The following SAMD4A variants were observed in gnomAD, a reference collection of about 807,000 sequenced individuals.
The protein encoded by SAMD4A is sterile alpha motif domain containing 4A.
In SAMD4A, 33 loss-of-function variants were observed where a neutral mutation model predicts 81.3. The ratio of observed to expected loss-of-function variants is 0.41; its 90% CI spans 0.31 to 0.54. SAMD4A has a LOEUF of 0.54. SAMD4A is among the 20% of genes least tolerant of loss of function. The pLI, the probability that SAMD4A is intolerant of heterozygous loss-of-function variation, is 0.37. For synonymous variants in SAMD4A, 389 were observed against 382.1 expected, an observed-to-expected ratio of 1.02 and a Z score of -0.21; for missense variants, 854 against 951.1, an observed-to-expected ratio of 0.90 and a Z score of 1.34.
chr14:54,724,880 C>T (rs1451631139), intron 3 of SAMD4A, among the ~76,000 whole-genome samples: 6 of 152,152 alleles, frequency 3.9e-5, no homozygotes, highest in Admixed American at 2.0e-4. Context: ...GGAGAAATAA[C>T]GTGGGGACAA....
rs1167086193 is a variant in SAMD4A, at chr14:54,742,198, A to G, written c.979+4911A>G. ...GAGTATTCGGGGTTCTTCATGAGAT[A>G]GAGCTGAGAGGGCTTGGTAACCAAT... On this transcript the variant is annotated intron_variant, in intron 4 of 12. Transcript: ENST00000554335. 2.0e-5 allele frequency among the ~76,000 whole-genome samples: 3 copies of G among 152,296 alleles called. No individual in the cohort carries two copies. The East Asian group carries it at 5.8e-4, about 29-fold the overall frequency.
At chr14:54,653,234 C>G (rs1157627482) in intron 2 of SAMD4A, among the ~76,000 whole-genome samples, 1 of 151,666 alleles carries the variant, frequency 6.6e-6, no homozygotes, top group Non-Finnish European at 1.5e-5. Context: ...CTGTTTTTCA[C>G]TCATGTCTAG....
At chr14:54,571,698 C>A (rs571100292) in intron 2 of SAMD4A, among the ~76,000 whole-genome samples, 1 of 152,072 alleles carries the variant, frequency 6.6e-6, no homozygotes, top group South Asian at 2.1e-4. Flanking sequence ...ATGTTTGAGA[C>A]AAAAAAATAA....
intron 3 of SAMD4A, among the ~76,000 whole-genome samples, chr14:54,704,522 C>G (rs888461278): frequency 2.0e-5 from 3 of 152,194 alleles, no homozygotes; most frequent in Non-Finnish European, 4.4e-5. Context: ...TTGTAGTCAT[C>G]AAGCACCTAT....
At chr14:54,702,630 T>G (rs1437535511) in intron 3 of SAMD4A, 50 bp downstream of exon 3, 2 of 1,586,276 alleles carry the variant, frequency 1.3e-6, no homozygotes, top group Non-Finnish European at 1.7e-6. Flanking sequence ...CGATTTGCTG[T>G]GTATGTGGCA....
Position 54,723,540 on chromosome 14 carries a change from T to A in SAMD4A, c.716-13484T>A, listed in dbSNP as rs138174103. Among the ~76,000 whole-genome samples, 170 of 152,308 alleles carry A rather than the reference T, an allele frequency of 1.1e-3. 2 individuals carry two copies. The highest frequency in any genetic ancestry group is 3.9e-3 in the African/African-American group (164 of 41,568). ...ATTACCACCTCCTCAAAAACTTTCA[T>A]TAGTCCTAGAAATACTGTGGCAAAT... is the stretch of plus-strand genomic sequence containing the variant. On this transcript the variant is annotated intron_variant, in intron 3 of 12. Transcript: ENST00000554335.
chr14:54,565,875 C>G (rs1250146259), upstream of SAMD4A, among the ~76,000 whole-genome samples: 1 of 152,050 alleles, frequency 6.6e-6, no homozygotes, highest in African/African-American at 2.4e-5. The surrounding 1 kb of genome is among the most constrained non-coding windows in gnomAD (Gnocchi z 5.4). Context: ...TCTACCCGAC[C>G]CCTCTGCGCC....
rs1487628459 is a variant in SAMD4A, at chr14:54,789,259, C to T, written c.*315C>T. ...GGTAGCTCTCTGGATGGAACGGGGACAGGGGAAAGAGTACTGCCATGAAAG... is the reference window on the plus strand; with the variant it reads ...GGTAGCTCTCTGGATGGAACGGGGATAGGGGAAAGAGTACTGCCATGAAAG... On this transcript the variant is annotated 3_prime_UTR_variant, in exon 13 of 13. Transcript: ENST00000554335. The T allele has an allele frequency of 2.1e-6, 1 of 470,182 alleles. No individual in the cohort carries two copies. Among genetic ancestry groups the T allele is most frequent in the Non-Finnish European group, 3.9e-6 (1 of 258,036 alleles). 29.1% of individuals were successfully genotyped at this position (470,182 alleles called of 1,614,324 possible). A position where few individuals can be genotyped will look rare whatever the true frequency, so the allele number is the denominator to read the frequency against.
chr14:54,593,048 T>C (rs1056182303), intron 2 of SAMD4A, among the ~76,000 whole-genome samples: 10 of 152,320 alleles, frequency 6.6e-5, no homozygotes, highest in Middle Eastern at 6.8e-3. Context: ...AAAAATAGAA[T>C]GATATAATAA....
Position 54,776,485 on chromosome 14 carries a change from C to G in SAMD4A, c.1989C>G (p.Thr663=). 1 of 1,596,306 alleles carries G rather than the reference C, an allele frequency of 6.3e-7. No homozygotes were observed. Among genetic ancestry groups the G allele is most frequent in the South Asian group, 1.1e-5 (1 of 88,200 alleles). The change falls in exon 11 of 13, where the codon ACC becomes ACG. Residue 663 remains threonine (T), a synonymous_variant. Coordinates refer to ENST00000554335, the MANE Select transcript of SAMD4A (RefSeq NM_015589.6). ...PSRTHSSVQR[T]RSLPVHTSPQ... is the part of the protein sequence containing the mutation. ...GCACCCACAGCTCAGTCCAGAGGAC[C>G]CGCTCGCTGCCCGTGCACACTTCCC... is the stretch of plus-strand genomic sequence containing the variant.
At chr14:54,598,008 G>A (rs984963833) in intron 2 of SAMD4A, among the ~76,000 whole-genome samples, 9 of 152,164 alleles carry the variant, frequency 5.9e-5, no homozygotes, top group African/African-American at 2.2e-4. Flanking sequence ...TGCTAATTTA[G>A]AAAGAGAGTG....
chr14:54,760,839 A>G (rs1241074709), intron 7 of SAMD4A, among the ~76,000 whole-genome samples: 2 of 152,102 alleles, frequency 1.3e-5, no homozygotes, highest in Non-Finnish European at 2.9e-5. Flanking sequence ...TTGGGAACAA[A>G]CCGTTCACTC....
At chr14:54,646,420 G>C (rs557644401) in intron 2 of SAMD4A, among the ~76,000 whole-genome samples, 1 of 152,330 alleles carries the variant, frequency 6.6e-6, no homozygotes, top group East Asian at 1.9e-4. Flanking sequence ...ACATTGGTGG[G>C]CCCCGCCCTC....
chr14:54,718,626 A>T (rs2037182592), intron 3 of SAMD4A, among the ~76,000 whole-genome samples: 1 of 152,108 alleles, frequency 6.6e-6, no homozygotes, highest in Non-Finnish European at 1.5e-5. Context: ...ACTTCCAGAG[A>T]TGTTAACCCT....
intron 3 of SAMD4A, among the ~76,000 whole-genome samples, chr14:54,710,004 C>T (rs2036950469): frequency 6.6e-6 from 1 of 152,184 alleles, no homozygotes; most frequent in Admixed American, 6.5e-5. Context: ...AATCTCTGTG[C>T]TACAGCTACA....
In SAMD4A at chr14:54,793,082, GTTACATGTAAAAGCT is replaced by G. The variant is rs1166482786; in HGVS notation, c.*4143_*4157del. On this transcript the variant is annotated 3_prime_UTR_variant, in exon 13 of 13. Coordinates refer to ENST00000554335, the MANE Select transcript of SAMD4A (RefSeq NM_015589.6). ...TGTCATATATGGAAAGAGCATGTTTGTTACATGTAAAAGCTTTACTGATATACAGATATACTAATG... is the reference window on the plus strand; with the variant it reads ...TGTCATATATGGAAAGAGCATGTTTGTTACTGATATACAGATATACTAATG... The G allele has an allele frequency of 1.9e-4, 29 of 152,184 alleles. No individual in the cohort carries two copies. The highest frequency in any genetic ancestry group is 1.9e-3 in the Admixed American group (29 of 15,286). 9.4% of individuals were successfully genotyped at this position (152,184 alleles called of 1,614,324 possible).
Position 54,792,755 on chromosome 14 carries a change from T to C in SAMD4A, c.*3811T>C, listed in dbSNP as rs2039280828. 1 of 152,190 alleles carries C rather than the reference T, an allele frequency of 6.6e-6. No homozygotes were observed. Among genetic ancestry groups the C allele is most frequent in the South Asian group, 2.1e-4 (1 of 4,828 alleles). The allele number at this position is 152,190 out of a possible 1,614,324, so 9.4% of individuals were successfully genotyped here. A position where few individuals can be genotyped will look rare whatever the true frequency, so the allele number is the denominator to read the frequency against. ...AGAGATGTTTGCAAAGTGAGTTTTA[T>C]TTTTTTGTAATTCCTTTATCTTTAC... On this transcript the variant is annotated 3_prime_UTR_variant, in exon 13 of 13. Coordinates refer to ENST00000554335, the MANE Select transcript of SAMD4A (RefSeq NM_015589.6).
intron 2 of SAMD4A, among the ~76,000 whole-genome samples, chr14:54,618,768 C>T (rs1407643250): frequency 6.6e-6 from 1 of 152,162 alleles, no homozygotes; most frequent in African/African-American, 2.4e-5. Flanking sequence ...TCTTTTCCCC[C>T]TTTTCCTGTC....
intron 2 of SAMD4A, among the ~76,000 whole-genome samples, chr14:54,615,339 T>A (rs888828570): frequency 7.9e-5 from 12 of 152,258 alleles, no homozygotes; most frequent in Admixed American, 7.2e-4. Flanking sequence ...TGACACTTAA[T>A]TCTATTCCTT....
Sources: allele counts gnomAD v4.1 joint callset (sites outside exome capture counted in the v4.1 genomes callset), GRCh38; gene constraint gnomAD v4.1.1; non-coding constraint Gnocchi (gnomAD v3.1); transcripts MANE v1.5; gene names NCBI Gene and HGNC (gene_info 2026-07-23, HGNC 2026-07-21).